OPLAH: variants seen among roughly 807,000 people sequenced by gnomAD.
OPLAH encodes 5-oxoprolinase.
Under a neutral mutation model 122.8 loss-of-function variants are expected in OPLAH, and 103 were observed. The ratio of observed to expected loss-of-function variants is 0.84; its 90% CI spans 0.71 to 0.99. The LOEUF is 0.99. Among genes scored for constraint, OPLAH ranks in the 50% least tolerant of loss-of-function variants. OPLAH has a pLI of 0.00. For missense variants in OPLAH, 1,902 were observed against 1,836.5 expected, an observed-to-expected ratio of 1.04 and a Z score of -0.65; for synonymous variants, 875 against 796.0, an observed-to-expected ratio of 1.10 and a Z score of -1.67.
rs1029399855 is a variant in OPLAH, at chr8:144,055,222, C to T, written c.2249-33G>A. ...CACAAAGTGACCAGGCCCGCTGGCC[C>T]CACCCACCCACAGCCTGGCCCCAGG... On this transcript the variant is annotated intron_variant, in intron 16 of 26. Transcript: ENST00000618853. The surrounding 1 kb of genome is among the most constrained non-coding windows in gnomAD (Gnocchi z 6.5). 4.7e-6 allele frequency: 7 copies of T among 1,489,110 alleles called. No homozygotes were observed. The African/African-American group carries it at 9.9e-5, about 21-fold the overall frequency. The allele number at this position is 1,489,110 out of a possible 1,614,324, so 92.2% of individuals were successfully genotyped here.
intron 17 of OPLAH, 42 bp from the exon 18 acceptor site, chr8:144,054,955 G>A (rs1564289920): frequency 7.7e-7 from 1 of 1,305,258 alleles, no homozygotes; most frequent in Non-Finnish European, 1.0e-6. Flanking sequence ...CAGGGGAGCA[G>A]GGGCCAGAGC....
chr8:144,056,282 C>G, intron 14 of OPLAH, 23 bp from the exon 15 acceptor site: 2 of 1,603,496 alleles, frequency 1.2e-6, no homozygotes, highest in Non-Finnish European at 1.7e-6. Context: ...CGGGTGAGTA[C>G]AGCGCCCGGG....
At position 144,051,952 on chromosome 8, in the gene OPLAH, T is replaced by C; in HGVS notation, c.3586A>G (p.Thr1196Ala). The C allele has an allele frequency of 1.3e-6, 2 of 1,558,850 alleles. No homozygotes were observed. Among genetic ancestry groups the C allele is most frequent in the Non-Finnish European group, 1.7e-6 (2 of 1,161,048 alleles). Residue 1196 changes from threonine (T) to alanine (A), a missense_variant, in exon 25 of 27, where the codon ACC (threonine) becomes GCC (alanine). Physicochemically the swap from Thr to Ala is moderately conservative, Grantham distance 58 (BLOSUM62 0). Transcript: ENST00000618853. ...TATGGCCGGAAGGCGCGGCGCTCGG[T>C]CAGCACTGACAGCAGCGCCTCCTCA... ...FREEALLSVLTERRAFRPYGL... is the reference protein window; with the variant it reads ...FREEALLSVLAERRAFRPYGL...
chr8:144,051,826 C>T lies in OPLAH; in HGVS notation c.3623G>A (p.Gly1208Glu). The change falls in exon 26 of 27, where the codon GGG becomes GAG. Residue 1208 changes from glycine (G) to glutamate (E), a missense_variant and splice_region_variant. Physicochemically the swap from Gly to Glu is moderately conservative, Grantham distance 98. Around this residue, in one of 3 missense-constraint regions of OPLAH, gnomAD observed 1,726 missense variants for 1,642.1 expected, o/e 1.05. Transcript: ENST00000618853. ...TAGGCCGCGGGCGCCAGGCTCGCCC[C>T]CTGCGGAGGGAGGCGAGGAGTCCAG... Reference protein sequence around the residue: ...RRAFRPYGLHGGEPGARGLNL... With the variant: ...RRAFRPYGLHEGEPGARGLNL... 6.4e-7 allele frequency: 1 copy of T among 1,566,322 alleles called. No homozygotes were observed. Among genetic ancestry groups the T allele is most frequent in the African/African-American group, 1.4e-5 (1 of 69,398 alleles).
Position 144,055,363 on chromosome 8 carries a change from T to C in OPLAH, c.2249-174A>G, listed in dbSNP as rs1318678448. On this transcript the variant is annotated intron_variant, in intron 16 of 26. Coordinates refer to ENST00000618853, the MANE Select transcript of OPLAH (RefSeq NM_017570.5). The surrounding 1 kb of genome is among the most constrained non-coding windows in gnomAD (Gnocchi z 6.5). ...GCCCACTTGGCCACGTCTTAGCCTA[T>C]GTAAAGGACACCACCTTCCCCAGCC... 6.6e-6 allele frequency among the ~76,000 whole-genome samples: 1 copy of C among 151,992 alleles called. No individual in the cohort carries two copies. Among genetic ancestry groups the C allele is most frequent in the Non-Finnish European group, 1.5e-5 (1 of 67,988 alleles).
chr8:144,051,026 G>T (rs1554757521), downstream of OPLAH: 5 of 1,224,550 alleles, frequency 4.1e-6, no homozygotes, highest in African/African-American at 8.0e-5. Context: ...GGAGAGGTCG[G>T]CGCCTGGACT....
chr8:144,055,279 A>T lies in OPLAH; in HGVS notation c.2249-90T>A. 2 of 1,323,522 alleles carry T rather than the reference A, an allele frequency of 1.5e-6. No individual in the cohort carries two copies. The highest frequency in any genetic ancestry group is 2.0e-6 in the Non-Finnish European group (2 of 1,009,602). 82.0% of individuals were successfully genotyped at this position (1,323,522 alleles called of 1,614,324 possible). A position where few individuals can be genotyped will look rare whatever the true frequency, so the allele number is the denominator to read the frequency against. ...AGGAACAGGACCCACCAGGACTCAA[A>T]CCCAGGACCCAGGAAAAACCCAGCA... On this transcript the variant is annotated intron_variant, in intron 16 of 26. Transcript: ENST00000618853. The surrounding 1 kb of genome is among the most constrained non-coding windows in gnomAD (Gnocchi z 6.5).
chr8:144,058,914 G>A lies in OPLAH; in HGVS notation c.464-18C>T, dbSNP rs1554760221. On this transcript the variant is annotated intron_variant, in intron 4 of 26. Transcript: ENST00000618853. ...CGTGCGGCCTTCCAGAAAAGCCCAG[G>A]AGGCCCCGTTAAAGGCCAGCAGGAC... The A allele has an allele frequency of 6.5e-7, 1 of 1,550,168 alleles. No homozygotes were observed. The highest frequency in any genetic ancestry group is 8.7e-7 in the Non-Finnish European group (1 of 1,146,418).
Position 144,056,416 on chromosome 8 carries a change from T to G in OPLAH, c.1952A>C (p.Lys651Thr). The stretch of plus-strand genomic sequence containing the variant: ...CACCCGGGGAGGCCCGGTCTGGGCT[T>G]TGGGGGCATCCTCGAGGCGAAGACC... ...RSGLRLEDAP[K>T]AQTGPPRVDK... The change falls in exon 14 of 27, where the codon AAA (lysine) becomes ACA (threonine). Residue 651 changes from lysine (K) to threonine (T), a missense_variant. Lys to Thr is a moderately conservative substitution (Grantham distance 78, BLOSUM62 -1). Transcript: ENST00000618853. 1 of 1,608,618 alleles carries G rather than the reference T, an allele frequency of 6.2e-7. No individual in the cohort carries two copies. The highest frequency in any genetic ancestry group is 8.5e-7 in the Non-Finnish European group (1 of 1,178,288).
Position 144,055,085 on chromosome 8 carries a change from T to C in OPLAH, c.2353A>G (p.Asn785Asp). The C allele has an allele frequency of 6.4e-7, 1 of 1,568,786 alleles. No homozygotes were observed. Among genetic ancestry groups the C allele is most frequent in the Non-Finnish European group, 8.6e-7 (1 of 1,158,246 alleles). Residue 785 changes from asparagine to aspartate, a missense_variant, in exon 17 of 27, where the codon AAT (asparagine) becomes GAT (aspartate). Transcript: ENST00000618853. The surrounding 1 kb of genome is among the most constrained non-coding windows in gnomAD (Gnocchi z 6.5). ...AGGTGCACAGGGATGTGGGGGGCAT[T>C]GGACACCAGCCCCCCATCGGGCCCA... ...LFGPDGGLVS[N>D]APHIPVHLGA...
At chr8:144,059,496 C>T in intron 3 of OPLAH, 103 bp downstream of exon 3, 1 of 1,228,140 alleles carries the variant, frequency 8.1e-7, no homozygotes, top group Non-Finnish European at 1.1e-6. Flanking sequence ...CGGCTGGTGC[C>T]CATGAGCCAT....
Position 144,056,175 on chromosome 8 carries a change from C to G in OPLAH, c.2068G>C (p.Gly690Arg), listed in dbSNP as rs1554758966. 6.2e-7 allele frequency: 1 copy of G among 1,610,576 alleles called. No individual in the cohort carries two copies. Among genetic ancestry groups the G allele is most frequent in the Non-Finnish European group, 8.5e-7 (1 of 1,178,230 alleles). Residue 690 changes from glycine (G) to arginine (R), a missense_variant, in exon 15 of 27, where the codon GGG becomes CGG. This residue lies in a region of OPLAH where 1,726 missense variants were observed against 1,642.1 expected (regional missense o/e 1.05). Transcript: ENST00000618853. ...AELGYGHKLH[G>R]PCLIIDSNST... ...TTACTGTCGATGATGAGGCAGGGCC[C>G]ATGGAGCTTGTGCCCATAGCCCAGC...
intron 12 of OPLAH, 26 bp downstream of exon 12, chr8:144,056,921 TC>T (rs1554759359): frequency 1.3e-6 from 2 of 1,553,178 alleles, no homozygotes; most frequent in East Asian, 2.4e-5. Context: ...ACGTAAGCCC[TC>T]TGTCCAGGGC....
In OPLAH at chr8:144,056,932, C is replaced by A; in HGVS notation, c.1706+16G>T. On this transcript the variant is annotated intron_variant, in intron 12 of 26. Transcript: ENST00000618853. ...GACAACGTAAGCCCTCTGTCCAGGG[C>A]ACCCTGGGAGCCCACCTGGGGAAGC... The A allele has an allele frequency of 6.4e-7, 1 of 1,560,066 alleles. No homozygotes were observed. Among genetic ancestry groups the A allele is most frequent in the Non-Finnish European group, 8.7e-7 (1 of 1,155,848 alleles).
chr8:144,059,200 A>G, intron 3 of OPLAH, 121 bp from the exon 4 acceptor site: 1 of 816,084 alleles, frequency 1.2e-6, no homozygotes, highest in Non-Finnish European at 1.9e-6. Context: ...GGCCCAGGAG[A>G]GTCATACCTG....
chr8:144,053,164 C>A, intron 20 of OPLAH, 35 bp from the exon 21 acceptor site: 1 of 1,608,490 alleles, frequency 6.2e-7, no homozygotes, highest in Non-Finnish European at 8.5e-7. Context: ...GGCCAGGTCA[C>A]CTGCAGGATG....
Position 144,051,353 on chromosome 8 carries a change from C to G in OPLAH, c.3840G>C (p.Glu1280Asp). 1 of 1,611,140 alleles carries G rather than the reference C, an allele frequency of 6.2e-7. No individual in the cohort carries two copies. Among genetic ancestry groups the G allele is most frequent in the Non-Finnish European group, 8.5e-7 (1 of 1,179,162 alleles). The change falls in exon 27 of 27, where the codon GAG becomes GAC. Residue 1280 changes from glutamate (E) to aspartate (D), a missense_variant. Coordinates refer to ENST00000618853, the MANE Select transcript of OPLAH (RefSeq NM_017570.5). Reference protein sequence around the residue: ...LAFPEHGSVYEYRRAQEAV With the variant: ...LAFPEHGSVYDYRRAQEAV ...ACACGGCCTCCTGGGCCCGGCGATA[C>G]TCATAGACGCTGCCGTGCTCGGGAA...
rs1835584907 is a variant in OPLAH, at chr8:144,058,477, G to T, written c.783+19C>A. 1.9e-6 allele frequency: 3 copies of T among 1,576,196 alleles called. No homozygotes were observed. The highest frequency in any genetic ancestry group is 1.3e-5 in the African/African-American group (1 of 74,490). The stretch of plus-strand genomic sequence containing the variant: ...GCCCAGGCCCAGGAGTGGGCAGTGG[G>T]GGTGCCTCACAGCCTCACCTTGAGT... On this transcript the variant is annotated intron_variant, in intron 6 of 26. Transcript: ENST00000618853.
In OPLAH at chr8:144,053,009, G is replaced by A. The variant is rs1234099341; in HGVS notation, c.2992C>T (p.Leu998Phe). Reference sequence around the variant, plus strand: ...TGACTCAGGCTGATCTGCACACGGAGGCGGATGGGGGAACCGTCGTCCATG... The same window carrying A: ...TGACTCAGGCTGATCTGCACACGGAAGCGGATGGGGGAACCGTCGTCCATG... ...DHMDDGSPIRLRVQISLSQGS... is the reference protein window; with the variant it reads ...DHMDDGSPIRFRVQISLSQGS... The change falls in exon 21 of 27, where the codon CTC becomes TTC. Residue 998 changes from leucine to phenylalanine, a missense_variant. Physicochemically the swap from Leu to Phe is conservative, Grantham distance 22 (BLOSUM62 0). Transcript: ENST00000618853. 1.2e-6 allele frequency: 2 copies of A among 1,603,294 alleles called. No individual in the cohort carries two copies. The highest frequency in any genetic ancestry group is 1.7e-6 in the Non-Finnish European group (2 of 1,175,906).
Sources: gnomAD v4.1 joint callset for allele counts (sites outside exome capture counted in the v4.1 genomes callset) on GRCh38, gnomAD v4.1.1 for gene constraint, gnomAD v4.1.1 regional missense constraint, Gnocchi (gnomAD v3.1) non-coding constraint, MANE v1.5 for transcripts, NCBI Gene and HGNC (gene_info 2026-07-23, HGNC 2026-07-21) for gene names.